Variants in KCND2 observed in about 807,000 individuals in gnomAD.
KCND2 encodes the protein A-type voltage-gated potassium channel KCND2.
A neutral mutation model predicts 54.4 loss-of-function variants in KCND2; 16 were observed. The observed-to-expected ratio is 0.29, with a 90% CI of 0.20 to 0.45. The LOEUF (loss-of-function observed/expected upper bound fraction) is 0.45, where lower values mean the gene tolerates loss of function less well. Ranked by LOEUF, KCND2 falls within the 20% of genes least tolerant of loss-of-function variation. The pLI is 1.00. For synonymous variants in KCND2, 317 were observed against 310.7 expected, an observed-to-expected ratio of 1.02 and a Z score of -0.21; for missense variants, 486 against 824.2, an observed-to-expected ratio of 0.59 and a Z score of 5.02.
chr7:120,376,553 A>G (rs530190340), intron 1 of KCND2, among the ~76,000 whole-genome samples: 1 of 150,662 alleles, frequency 6.6e-6, no homozygotes, highest in Non-Finnish European at 1.5e-5. Context: ...AATATATATG[A>G]TATGTATTTA....
intron 1 of KCND2, among the ~76,000 whole-genome samples, chr7:120,553,031 T>G (rs571104312): frequency 6.6e-6 from 1 of 152,374 alleles, no homozygotes; most frequent in South Asian, 2.1e-4. Context: ...ACATAGTTAC[T>G]TTTTTCATTG....
chr7:120,465,302 T>G (rs1211188078), intron 1 of KCND2, among the ~76,000 whole-genome samples: 1 of 151,818 alleles, frequency 6.6e-6, no homozygotes, highest in Non-Finnish European at 1.5e-5. Flanking sequence ...GCTAATAACA[T>G]AAGGCAAAAT....
chr7:120,280,665 A>G (rs1799246539), intron 1 of KCND2, among the ~76,000 whole-genome samples: 1 of 150,534 alleles, frequency 6.6e-6, no homozygotes. Context: ...GTGACCCATC[A>G]TTTATTTAAA....
chr7:120,338,812 A>G (rs937420956), intron 1 of KCND2, among the ~76,000 whole-genome samples: 1 of 152,130 alleles, frequency 6.6e-6, no homozygotes, highest in African/African-American at 2.4e-5. Context: ...AATTTTCTAC[A>G]GAGAGTTGGG....
chr7:120,715,781 A>T (rs1792595487), intron 1 of KCND2, among the ~76,000 whole-genome samples: 1 of 152,090 alleles, frequency 6.6e-6, no homozygotes, highest in Admixed American at 6.6e-5. Context: ...ACAACACTTT[A>T]TAGGACTCAA....
At chr7:120,345,567 C>A (rs1352155182) in intron 1 of KCND2, among the ~76,000 whole-genome samples, 1 of 152,138 alleles carries the variant, frequency 6.6e-6, no homozygotes, top group Non-Finnish European at 1.5e-5. Flanking sequence ...GACTCCCTGG[C>A]AACCACCATT....
intron 1 of KCND2, among the ~76,000 whole-genome samples, chr7:120,729,036 C>T (rs573317636): frequency 2.5e-4 from 38 of 152,272 alleles, no homozygotes; most frequent in South Asian, 1.2e-3. Flanking sequence ...CTTTCCTCCA[C>T]GGAATTTCAG....
chr7:120,377,837 T>C (rs1238736474), intron 1 of KCND2, among the ~76,000 whole-genome samples: 2 of 151,962 alleles, frequency 1.3e-5, no homozygotes, highest in African/African-American at 4.8e-5. Context: ...GTGTGTCCCT[T>C]CAGCTTAATC....
chr7:120,627,800 T>C (rs569148100), intron 1 of KCND2, among the ~76,000 whole-genome samples: 1 of 151,944 alleles, frequency 6.6e-6, no homozygotes, highest in Non-Finnish European at 1.5e-5. Context: ...TATGTAATTT[T>C]AGGTGAATTT....
intron 1 of KCND2, among the ~76,000 whole-genome samples, chr7:120,695,077 G>C (rs1328688427): frequency 6.6e-6 from 1 of 152,010 alleles, no homozygotes; most frequent in Non-Finnish European, 1.5e-5. Flanking sequence ...AATTCCTTAG[G>C]GGTATAGTTC....
intron 1 of KCND2, among the ~76,000 whole-genome samples, chr7:120,389,551 A>G (rs1434052163): frequency 1.3e-5 from 2 of 151,736 alleles, no homozygotes; most frequent in Non-Finnish European, 2.9e-5. Context: ...CCCTACTCCT[A>G]GTAACTACCC....
chr7:120,486,593 C>A (rs1290547394), intron 1 of KCND2, among the ~76,000 whole-genome samples: 1 of 151,956 alleles, frequency 6.6e-6, no homozygotes, highest in African/African-American at 2.4e-5. Context: ...CCAGGTAGAT[C>A]ATCAAGATGA....
chr7:120,676,119 T>C (rs1392086458), intron 1 of KCND2, among the ~76,000 whole-genome samples: 2 of 152,192 alleles, frequency 1.3e-5, no homozygotes, highest in Non-Finnish European at 2.9e-5. Context: ...ATTACAGGTG[T>C]GAGCCACCGT....
intron 1 of KCND2, among the ~76,000 whole-genome samples, chr7:120,705,215 C>A (rs1792452662): frequency 6.6e-6 from 1 of 152,142 alleles, no homozygotes; most frequent in Non-Finnish European, 1.5e-5. Context: ...ATTCTGAAAT[C>A]TTGGGCTACA....
chr7:120,554,176 A>G (rs1265180510), intron 1 of KCND2, among the ~76,000 whole-genome samples: 1 of 152,204 alleles, frequency 6.6e-6, no homozygotes, highest in Non-Finnish European at 1.5e-5. Flanking sequence ...AAAAGGCAGC[A>G]ACTCACATAG....
chr7:120,458,551 C>T (rs988985422), intron 1 of KCND2, among the ~76,000 whole-genome samples: 11 of 152,090 alleles, frequency 7.2e-5, no homozygotes, highest in African/African-American at 2.4e-4. Context: ...CTTGATTTCC[C>T]AAGTAACTGT....
At chr7:120,605,234 C>A (rs1792866891) in intron 1 of KCND2, among the ~76,000 whole-genome samples, 1 of 152,000 alleles carries the variant, frequency 6.6e-6, no homozygotes, top group South Asian at 2.1e-4. Context: ...AATCCTCTCT[C>A]CCCCAAGCCC....
At chr7:120,407,544 A>G (rs1185814678) in intron 1 of KCND2, among the ~76,000 whole-genome samples, 1 of 151,918 alleles carries the variant, frequency 6.6e-6, no homozygotes, top group Non-Finnish European at 1.5e-5. Context: ...ATTGGATAAT[A>G]TACTCTCCTT....
chr7:120,690,017 C>T (rs1562910523), intron 1 of KCND2, among the ~76,000 whole-genome samples: 1 of 152,296 alleles, frequency 6.6e-6, no homozygotes, highest in Admixed American at 6.5e-5. Flanking sequence ...CTCCTGGACC[C>T]TTTCTGATTT....
Sources: allele counts gnomAD v4.1 joint callset (sites outside exome capture counted in the v4.1 genomes callset), GRCh38; gene constraint gnomAD v4.1.1; transcripts MANE v1.5; gene names NCBI Gene and HGNC (gene_info 2026-07-23, HGNC 2026-07-21).